DDX43: variants seen among roughly 807,000 people sequenced by gnomAD.
DDX43 encodes the protein probable ATP-dependent RNA helicase DDX43.
Under a neutral mutation model 84.9 loss-of-function variants are expected in DDX43, and 50 were observed. The observed-to-expected ratio is 0.59, with a 90% CI of 0.47 to 0.75. The LOEUF (loss-of-function observed/expected upper bound fraction) is 0.75, where lower values mean the gene tolerates loss of function less well. Among genes scored for constraint, DDX43 ranks in the 30% least tolerant of loss-of-function variants. DDX43 has a pLI of 0.00. For synonymous variants in DDX43, 291 were observed against 266.3 expected (o/e 1.09, Z -0.90); for missense variants, 689 against 798.6 (o/e 0.86, Z 1.65).
rs776221961 is a variant in DDX43 at position 73,405,754 on chromosome 6, A to G, written c.726A>G (p.Thr242=). The G allele has an allele frequency of 1.1e-5, 18 of 1,614,026 alleles. No individual in the cohort carries two copies. The South Asian group carries it at 1.5e-4, about 14-fold the overall frequency. The change falls in exon 6 of 17, where the codon ACA becomes ACG. Residue 242 remains threonine (T), a synonymous_variant. Coordinates refer to ENST00000370336, the MANE Select transcript of DDX43 (RefSeq NM_018665.3). ...EKRPIPNPTC[T]FDDAFQCYPE... is the part of the protein sequence containing the mutation. The stretch of plus-strand genomic sequence containing the variant: ...GACCTATCCCCAATCCTACCTGCAC[A>G]TTTGATGACGCCTTTCAATGTTATC...
chr6:73,413,388 C>T (rs1349522787), intron 11 of DDX43: 1 of 226,990 alleles, frequency 4.4e-6, no homozygotes, highest in Non-Finnish European at 8.6e-6. Flanking sequence ...CAGAGTGAGA[C>T]TCTGTCTCAA....
intron 4 of DDX43, among the ~76,000 whole-genome samples, chr6:73,404,310 C>T (rs1769633650): frequency 6.6e-6 from 1 of 152,254 alleles, no homozygotes; most frequent in African/African-American, 2.4e-5. Flanking sequence ...TTAGGCTCGT[C>T]TCAAACTCCT....
At chr6:73,396,583 T>A (rs1769478591) in intron 1 of DDX43, among the ~76,000 whole-genome samples, 1 of 152,260 alleles carries the variant, frequency 6.6e-6, no homozygotes, top group South Asian at 2.1e-4. Flanking sequence ...TCACTTGATG[T>A]TGGATCTGGA....
At chr6:73,396,466 G>A (rs1386071970) in intron 1 of DDX43, among the ~76,000 whole-genome samples, 1 of 152,112 alleles carries the variant, frequency 6.6e-6, no homozygotes, top group African/African-American at 2.4e-5. Context: ...GAAGGCTTGG[G>A]CTCAGATCTG....
intron 1 of DDX43, among the ~76,000 whole-genome samples, chr6:73,397,313 C>G (rs914494635): frequency 6.6e-6 from 1 of 152,188 alleles, no homozygotes; most frequent in African/African-American, 2.4e-5. Flanking sequence ...TGTTGAACAT[C>G]TCATGCCTGT....
At position 73,416,223 on chromosome 6, in the gene DDX43, T is replaced by C. The variant is rs1419783526; in HGVS notation, c.1944T>C (p.His648=). The C allele has an allele frequency of 1.3e-6, 2 of 1,535,580 alleles. No individual in the cohort carries two copies. Among genetic ancestry groups the C allele is most frequent in the African/African-American group, 2.7e-5 (2 of 73,700 alleles). ...CTCAAGGAAGGCCCAAGAAGTTTCA[T>C]TAATGTCTTCTGTACTAGTGGGGTA... ...ERPQGRPKKF[H] The change falls in exon 16 of 17, where the codon CAT becomes CAC. Residue 648 remains histidine (H), a synonymous_variant. Transcript: ENST00000370336.
At chr6:73,411,521 CT>C (rs1485930573) in intron 10 of DDX43, among the ~76,000 whole-genome samples, 1 of 151,564 alleles carries the variant, frequency 6.6e-6, no homozygotes, top group Admixed American at 6.6e-5. Flanking sequence ...TAGGCACAGA[CT>C]TTCCCCATGT....
chr6:73,416,953 C>T (rs1396492536), intron 16 of DDX43, among the ~76,000 whole-genome samples: 1 of 152,124 alleles, frequency 6.6e-6, no homozygotes, highest in African/African-American at 2.4e-5. Flanking sequence ...GCAGGAGAAT[C>T]GCTTGAATCT....
Position 73,403,115 on chromosome 6 carries a change from A to G in DDX43, c.568+1125A>G, listed in dbSNP as rs1000245719. Among the ~76,000 whole-genome samples, 17 of 152,352 alleles carry G rather than the reference A, an allele frequency of 1.1e-4. No individual in the cohort carries two copies. The East Asian group carries it at 2.5e-3, about 22-fold the overall frequency. ...GGCCTAAACAGTTTGTGTTGGGAAG[A>G]TTTGGGATCAGAGACCAGGGAAAGG... On this transcript the variant is annotated intron_variant, in intron 4 of 16. Coordinates refer to ENST00000370336, the MANE Select transcript of DDX43 (RefSeq NM_018665.3).
At chr6:73,411,977 C>T (rs566347196) in intron 10 of DDX43, among the ~76,000 whole-genome samples, 3 of 152,312 alleles carry the variant, frequency 2.0e-5, no homozygotes, top group East Asian at 3.9e-4. Context: ...GGATTACAGG[C>T]GTGAGCCACT....
chr6:73,399,049 G>A (rs1435423502), intron 2 of DDX43, among the ~76,000 whole-genome samples: 2 of 152,152 alleles, frequency 1.3e-5, no homozygotes. Flanking sequence ...GGGTTCAAGA[G>A]ATTCTCCTGC....
rs930807 is a variant in DDX43 at position 73,395,070 on chromosome 6, T to G, written c.165T>G (p.Ser55=). 20,284 of 1,613,550 alleles carry G rather than the reference T, an allele frequency of 0.013. 1,723 individuals are homozygous for G. The Admixed American group carries it at 0.19, about 15-fold the overall frequency. ...GAGGTGGTCGCTGGAGAGGCACCTC[T>G]AGGCCCCCGGAGGCCGTGGCCGCTG... ...VGRGGRWRGT[S]RPPEAVAAGH... The change falls in exon 1 of 17, where the codon TCT becomes TCG. Residue 55 remains serine (S), a synonymous_variant. Transcript: ENST00000370336.
At chr6:73,397,590 G>T (rs1769496373) in intron 1 of DDX43, 99 bp from the exon 2 acceptor site, 4 of 926,194 alleles carry the variant, frequency 4.3e-6, no homozygotes, top group Non-Finnish European at 6.8e-6. Flanking sequence ...AGGAGCATTT[G>T]GGGGGAAGAA....
chr6:73,404,155 G>A (rs558624983), intron 4 of DDX43, among the ~76,000 whole-genome samples: 2 of 151,700 alleles, frequency 1.3e-5, no homozygotes, highest in African/African-American at 4.8e-5. Flanking sequence ...CACTTTTGTT[G>A]CCCAGGCTGG....
At chr6:73,408,220 A>G in intron 9 of DDX43, 119 bp downstream of exon 9, 1 of 991,770 alleles carries the variant, frequency 1.0e-6, no homozygotes, top group East Asian at 2.5e-5. Context: ...GGATCACCTA[A>G]GGTCAGGAGT....
intron 11 of DDX43, among the ~76,000 whole-genome samples, chr6:73,412,728 CGT>C (rs35713525): frequency 0.72 from 82,832 of 115,690 alleles, 27,280 homozygotes; most frequent in Non-Finnish European, 0.77. Flanking sequence ...TGATATATAG[CGT>C]GTGTGTGTGT....
At chr6:73,404,577 C>T in intron 4 of DDX43, 113 bp from the exon 5 acceptor site, 1 of 842,274 alleles carries the variant, frequency 1.2e-6, no homozygotes, top group Non-Finnish European at 1.9e-6. Context: ...GTAGAACTAT[C>T]AAATGGTATG....
intron 13 of DDX43, among the ~76,000 whole-genome samples, 153 bp from the exon 14 acceptor site, chr6:73,414,395 C>G (rs1214474359): frequency 6.6e-6 from 1 of 152,138 alleles, no homozygotes; most frequent in African/African-American, 2.4e-5. Flanking sequence ...TTGTAACTTG[C>G]CGGCAGTTAC....
chr6:73,404,579 A>G, intron 4 of DDX43, 111 bp from the exon 5 acceptor site: 1 of 847,002 alleles, frequency 1.2e-6, no homozygotes, highest in Non-Finnish European at 1.9e-6. Flanking sequence ...AGAACTATCA[A>G]ATGGTATGCA....
Sources: allele counts gnomAD v4.1 joint callset (sites outside exome capture counted in the v4.1 genomes callset), GRCh38; gene constraint gnomAD v4.1.1; transcripts MANE v1.5; gene names NCBI Gene and HGNC (gene_info 2026-07-23, HGNC 2026-07-21).